The following TTC7A variants were observed in gnomAD, a reference collection of about 807,000 sequenced individuals.
The protein encoded by TTC7A is tetratricopeptide repeat protein 7A.
TTC7A carries 110 observed loss-of-function variants against 103.7 expected under a neutral mutation model. That is an observed-to-expected ratio of 1.06 (90% CI 0.91 to 1.24). TTC7A has a LOEUF of 1.24. TTC7A is among the 50% of genes most tolerant of loss of function. The pLI is 0.00. For synonymous variants in TTC7A, 521 were observed against 467.9 expected (o/e 1.11, Z -1.47); for missense variants, 1,340 against 1,116.3 (o/e 1.20, Z -2.86).
At position 47,047,354 on chromosome 2, in the gene TTC7A, A is replaced by G. The variant is rs758003647; in HGVS notation, c.1919+923A>G. On this transcript the variant is annotated intron_variant, in intron 16 of 19. Transcript: ENST00000319190. ...CAGAGGAGGGTAATCAGACAGAGTA[A>G]AACACCTTGGGCAAAGTCAGCCCTC... The G allele has an allele frequency of 2.8e-5, 43 of 1,519,934 alleles. No homozygotes were observed. In the Middle Eastern group the frequency reaches 5.0e-4, roughly 18 times the overall value. The allele number at this position is 1,519,934 out of a possible 1,614,324, so 94.2% of individuals were successfully genotyped here.
rs142976936 is a variant in TTC7A at position 47,053,290 on chromosome 2, G to A, written c.2152+1410G>A. Among the ~76,000 whole-genome samples, 9 of 152,294 alleles carry A rather than the reference G, an allele frequency of 5.9e-5. No homozygotes were observed. The East Asian group carries it at 1.4e-3, about 23-fold the overall frequency. The stretch of plus-strand genomic sequence containing the variant: ...GGCCTCGCCTTAGGCAAAGGTTCCC[G>A]TCGTCTTCTAAGATTCTAATGACTT... On this transcript the variant is annotated intron_variant, in intron 18 of 19. Transcript: ENST00000319190.
At chr2:47,038,659 CG>C (rs1681422847) in intron 15 of TTC7A, among the ~76,000 whole-genome samples, 1 of 80,084 alleles carries the variant, frequency 1.2e-5, no homozygotes, top group South Asian at 6.0e-4. Flanking sequence ...CCCACCCCCC[CG>C]ACACACAGAG....
chr2:46,978,953 C>G, intron 5 of TTC7A, 46 bp downstream of exon 5: 1 of 1,435,824 alleles, frequency 7.0e-7, no homozygotes, highest in Non-Finnish European at 9.8e-7. Flanking sequence ...TTCCCCTGGG[C>G]TGAGGCTTTT....
rs372623458 is a variant in TTC7A at position 46,945,458 on chromosome 2, C to G, written c.184+3733C>G. 2.6e-5 allele frequency among the ~76,000 whole-genome samples: 4 copies of G among 152,362 alleles called. No individual in the cohort carries two copies. In the East Asian group the frequency reaches 7.7e-4, roughly 29 times the overall value. On this transcript the variant is annotated intron_variant, in intron 1 of 19. Transcript: ENST00000319190. ...AGAGACGAGGTTTCACCATGTTGGC[C>G]AGGATGGTCTCTATCTGTTGACCTC...
At chr2:47,063,108 A>C (rs1683921401) in intron 19 of TTC7A, among the ~76,000 whole-genome samples, 1 of 152,266 alleles carries the variant, frequency 6.6e-6, no homozygotes, top group Non-Finnish European at 1.5e-5. Context: ...TCACAGATCT[A>C]AGTGTCTTCC....
At chr2:46,959,408 G>A (rs1046439126) in intron 3 of TTC7A, among the ~76,000 whole-genome samples, 6 of 152,126 alleles carry the variant, frequency 3.9e-5, no homozygotes, top group African/African-American at 1.4e-4. Context: ...GGTTCTGTTT[G>A]GTACTCTCAG....
At chr2:46,997,563 T>G (rs1572857481) in intron 8 of TTC7A, among the ~76,000 whole-genome samples, 1 of 152,210 alleles carries the variant, frequency 6.6e-6, no homozygotes, top group Admixed American at 6.5e-5. Flanking sequence ...TTGGTCAAGG[T>G]CATATACTAA....
chr2:46,955,544 A>G (rs1159933766), intron 2 of TTC7A, among the ~76,000 whole-genome samples: 3 of 152,206 alleles, frequency 2.0e-5, no homozygotes, highest in Non-Finnish European at 2.9e-5. Flanking sequence ...CAAGGCCCCA[A>G]AGGATAGAAG....
chr2:47,060,324 C>G (rs369047548), intron 18 of TTC7A, among the ~76,000 whole-genome samples: 2 of 151,984 alleles, frequency 1.3e-5, no homozygotes, highest in African/African-American at 4.8e-5. Context: ...GAGCTGAGAT[C>G]GCGCCACTGC....
chr2:46,950,296 T>G, intron 1 of TTC7A, 67 bp from the exon 2 acceptor site: 3 of 1,562,036 alleles, frequency 1.9e-6, no homozygotes, highest in Non-Finnish European at 2.6e-6. Flanking sequence ...GGTCCAGGAG[T>G]GTGCAACTCC....
chr2:47,010,098 G>T (rs1046137370), intron 10 of TTC7A, among the ~76,000 whole-genome samples: 2 of 152,128 alleles, frequency 1.3e-5, no homozygotes, highest in African/African-American at 4.8e-5. Flanking sequence ...CATCTGTAAA[G>T]TAGAGTCAGA....
chr2:47,011,356 G>A lies in TTC7A; in HGVS notation c.1313G>A (p.Arg438Gln), dbSNP rs745944262. The A allele has an allele frequency of 1.2e-5, 19 of 1,613,288 alleles. No homozygotes were observed. The highest frequency in any genetic ancestry group is 4.5e-5 in the East Asian group (2 of 44,870). The change falls in exon 11 of 20, where the codon CGG (arginine) becomes CAG (glutamine). Residue 438 changes from arginine to glutamine, a missense_variant. Arg to Gln is a conservative substitution (Grantham distance 43, BLOSUM62 1). Transcript: ENST00000319190. ...GKSAYAVSLL[R>Q]ECVKLRPSDP... Reference sequence around the variant, plus strand: ...TCAGCCTACGCTGTGTCCCTGCTGCGGGAGTGTGTGAAGTTGCGGCCCTCG... The same window carrying A: ...TCAGCCTACGCTGTGTCCCTGCTGCAGGAGTGTGTGAAGTTGCGGCCCTCG...
intron 2 of TTC7A, among the ~76,000 whole-genome samples, chr2:46,923,441 G>T (rs547737094): frequency 4.6e-5 from 7 of 152,210 alleles, no homozygotes. Flanking sequence ...GATTGTAGGA[G>T]TTGTATGCTA....
At chr2:47,063,554 T>G (rs1007806295) in intron 19 of TTC7A, among the ~76,000 whole-genome samples, 9 of 152,214 alleles carry the variant, frequency 5.9e-5, no homozygotes, top group Admixed American at 1.3e-4. Context: ...TGTCCATCAG[T>G]CATCTGAGCC....
Position 47,029,401 on chromosome 2 carries a change from C to T in TTC7A, c.1802+17C>T. 6 of 1,612,870 alleles carry T rather than the reference C, an allele frequency of 3.7e-6. No homozygotes were observed. The highest frequency in any genetic ancestry group is 5.1e-6 in the Non-Finnish European group (6 of 1,179,662). On this transcript the variant is annotated intron_variant, in intron 15 of 19. Transcript: ENST00000319190. ...GAACTTCAAGTGAGTGCCCTGGGAA[C>T]ACTCTGGCAGTGGGGGAGCTGGCTG...
intron 16 of TTC7A, chr2:47,046,969 T>G (rs1489959021): frequency 3.0e-6 from 1 of 330,680 alleles, no homozygotes. Context: ...CCTTCTTCCC[T>G]AGTCACCCAC....
chr2:46,961,325 C>T (rs1191732766), intron 3 of TTC7A, among the ~76,000 whole-genome samples: 2 of 152,186 alleles, frequency 1.3e-5, no homozygotes, highest in African/African-American at 2.4e-5. Flanking sequence ...GCCTGTAATC[C>T]TAGCACATTG....
intron 3 of TTC7A, among the ~76,000 whole-genome samples, chr2:46,963,002 A>G (rs947312318): frequency 1.3e-5 from 2 of 152,242 alleles, no homozygotes; most frequent in Admixed American, 6.5e-5. Context: ...CTTCAAGTCC[A>G]TGGATCTAGA....
At position 47,021,937 on chromosome 2, in the gene TTC7A, T is replaced by C. The variant is rs768233675; in HGVS notation, c.1468T>C (p.Tyr490His). The C allele has an allele frequency of 6.2e-7, 1 of 1,614,116 alleles. No homozygotes were observed. The highest frequency in any genetic ancestry group is 1.3e-5 in the African/African-American group (1 of 75,070). The change falls in exon 12 of 20, where the codon TAC becomes CAC. Residue 490 changes from tyrosine to histidine, a missense_variant. Tyr to His is a moderately conservative substitution (Grantham distance 83). Coordinates refer to ENST00000319190, the MANE Select transcript of TTC7A (RefSeq NM_020458.4). ...AGCCGGGGAGTTCCTCCCCAAGGGC[T>C]ACCTGGCTCTGGGTCTCACCTATAG... ...EEAGEFLPKG[Y>H]LALGLTYSLQ... is the part of the protein sequence containing the mutation.
Sources: allele counts gnomAD v4.1 joint callset (sites outside exome capture counted in the v4.1 genomes callset), GRCh38; gene constraint gnomAD v4.1.1; transcripts MANE v1.5; gene names NCBI Gene and HGNC (gene_info 2026-07-23, HGNC 2026-07-21).